LDLRAD4: variants seen among roughly 807,000 people sequenced by gnomAD.
The protein encoded by LDLRAD4 is low density lipoprotein receptor class A domain containing 4, also known as low-density lipoprotein receptor class A domain-containing protein 4.
LDLRAD4 carries 5 observed loss-of-function variants against 17.0 expected under a neutral mutation model. The ratio of observed to expected loss-of-function variants is 0.29; its 90% CI spans 0.15 to 0.62. The LOEUF (loss-of-function observed/expected upper bound fraction) is 0.62. Ranked by LOEUF, LDLRAD4 falls within the 20% of genes least tolerant of loss-of-function variation. The pLI is 0.84. For missense variants in LDLRAD4, 340 were observed against 424.7 expected, an observed-to-expected ratio of 0.80 and a Z score of 1.75; for synonymous variants, 168 against 171.8, an observed-to-expected ratio of 0.98 and a Z score of 0.17.
intron 3 of LDLRAD4, chr18:13,500,629 G>A (rs2093597945): frequency 6.6e-6 from 1 of 152,176 alleles, no homozygotes; most frequent in Non-Finnish European, 1.5e-5. Flanking sequence ...CCAGAAAAAC[G>A]TCCTGTCTTT....
At chr18:13,530,533 G>A (rs532472257) in intron 3 of LDLRAD4, among the ~76,000 whole-genome samples, 1 of 152,326 alleles carries the variant, frequency 6.6e-6, no homozygotes, top group South Asian at 2.1e-4. Flanking sequence ...ATGATTTCCA[G>A]CAATATCTGC....
At chr18:13,644,413 A>G (rs1188231041) in intron 5 of LDLRAD4, among the ~76,000 whole-genome samples, 3 of 150,974 alleles carry the variant, frequency 2.0e-5, no homozygotes, top group African/African-American at 7.3e-5. Context: ...AAAAAAAAAA[A>G]AAAAAAAAGC....
chr18:13,361,697 C>G (rs766291835), intron 1 of LDLRAD4, among the ~76,000 whole-genome samples: 1 of 152,058 alleles, frequency 6.6e-6, no homozygotes, highest in African/African-American at 2.4e-5. Context: ...GAGGTGAGGC[C>G]GTGCTGACAG....
chr18:13,232,481 C>CCCCACG (rs2042127663), intron 1 of LDLRAD4, among the ~76,000 whole-genome samples: 2 of 150,626 alleles, frequency 1.3e-5, no homozygotes, highest in African/African-American at 5.0e-5. Flanking sequence ...TGGCCTTGTC[C>CCCCACG]GGGGGCTGCT....
chr18:13,310,339 A>G (rs1403295781), intron 1 of LDLRAD4, among the ~76,000 whole-genome samples: 1 of 151,490 alleles, frequency 6.6e-6, no homozygotes, highest in Non-Finnish European at 1.5e-5. Flanking sequence ...TGGGTGACAG[A>G]GTGAGACTCT....
At chr18:13,587,317 C>T (rs900229555) in intron 3 of LDLRAD4, among the ~76,000 whole-genome samples, 2 of 152,232 alleles carry the variant, frequency 1.3e-5, no homozygotes, top group Non-Finnish European at 2.9e-5. Flanking sequence ...CCATGTTAGA[C>T]AGTCTCACTC....
At chr18:13,461,379 C>T (rs1208595391) in intron 3 of LDLRAD4, 3 of 152,222 alleles carry the variant, frequency 2.0e-5, no homozygotes, top group Non-Finnish European at 2.9e-5. Flanking sequence ...ACGTACCTGA[C>T]TGAGGAAAAT....
At chr18:13,637,915 C>T (rs1034629401) in intron 4 of LDLRAD4, among the ~76,000 whole-genome samples, 2 of 151,408 alleles carry the variant, frequency 1.3e-5, no homozygotes, top group Non-Finnish European at 2.9e-5. Context: ...GGAAATTTAT[C>T]CCCCTTTAAC....
At chr18:13,560,736 A>T (rs2094531666) in intron 3 of LDLRAD4, among the ~76,000 whole-genome samples, 1 of 152,214 alleles carries the variant, frequency 6.6e-6, no homozygotes. Context: ...CAGCTTTTTA[A>T]GTTGAGAATA....
intron 1 of LDLRAD4, among the ~76,000 whole-genome samples, chr18:13,325,662 G>C (rs530170086): frequency 6.6e-6 from 1 of 152,174 alleles, no homozygotes; most frequent in African/African-American, 2.4e-5. Flanking sequence ...ACTCAGCTTC[G>C]CTGCGCACCC....
chr18:13,421,533 TC>T (rs1241938973), intron 2 of LDLRAD4, among the ~76,000 whole-genome samples: 2 of 151,284 alleles, frequency 1.3e-5, no homozygotes, highest in Admixed American at 6.6e-5. Flanking sequence ...TCCAGTCCCA[TC>T]CCTGCCCTGC....
Position 13,619,825 on chromosome 18 carries a change from G to A in LDLRAD4, c.182-1292G>A, listed in dbSNP as rs138534517. Among the ~76,000 whole-genome samples the A allele has an allele frequency of 9.9e-5, 15 of 152,190 alleles. No individual in the cohort carries two copies. In the East Asian group the frequency reaches 2.3e-3, roughly 24 times the overall value. On this transcript the variant is annotated intron_variant, in intron 3 of 5. Transcript: ENST00000359446. ...ACCAGCCTGGCCTCTCCCTGCCTGC[G>A]GGGGCAGGGGGCCCTTGGCAGGTCC... is the stretch of plus-strand genomic sequence containing the variant.
At chr18:13,254,599 G>A (rs1008100667) in intron 1 of LDLRAD4, among the ~76,000 whole-genome samples, 1 of 152,288 alleles carries the variant, frequency 6.6e-6, no homozygotes, top group African/African-American at 2.4e-5. Flanking sequence ...GGAATTGGCC[G>A]AGTCCTTACT....
At chr18:13,415,609 G>A (rs918876230) in intron 2 of LDLRAD4, among the ~76,000 whole-genome samples, 1 of 152,208 alleles carries the variant, frequency 6.6e-6, no homozygotes, top group African/African-American at 2.4e-5. Context: ...TGTACTGAGG[G>A]GAGCCCCCAG....
intron 3 of LDLRAD4, among the ~76,000 whole-genome samples, chr18:13,438,995 G>A (rs1412364977): frequency 6.6e-6 from 1 of 152,204 alleles, no homozygotes; most frequent in Non-Finnish European, 1.5e-5. Flanking sequence ...AAAGCCCGCT[G>A]AACTTCTCTT....
At chr18:13,294,362 G>A (rs932644056) in intron 1 of LDLRAD4, among the ~76,000 whole-genome samples, 2 of 152,216 alleles carry the variant, frequency 1.3e-5, no homozygotes, top group African/African-American at 4.8e-5. Flanking sequence ...CCAAGATAAC[G>A]GCCCCTTCTC....
chr18:13,576,421 CA>C (rs60116058), intron 3 of LDLRAD4, among the ~76,000 whole-genome samples: 42,749 of 90,452 alleles, frequency 0.47, 6,302 homozygotes, highest in South Asian at 0.58. Flanking sequence ...GACTCTGTCT[CA>C]AAAAAAAAAA....
rs527501457 is a variant in LDLRAD4 at position 13,236,684 on chromosome 18, G to A, written c.-467+17696G>A. ...TGGGTGCTGGCGTTGCCTGTGTGGG[G>A]CTCGGTCCGTGTTTCTCAGTCTGGA... On this transcript the variant is annotated intron_variant, in intron 1 of 5. Coordinates refer to the LDLRAD4 transcript ENST00000399848. Among the ~76,000 whole-genome samples the A allele has an allele frequency of 6.1e-5, 9 of 147,182 alleles. No homozygotes were observed. In the South Asian group the frequency reaches 2.0e-3, roughly 32 times the overall value.
intron 1 of LDLRAD4, among the ~76,000 whole-genome samples, chr18:13,301,579 G>A (rs1599243172): frequency 6.6e-6 from 1 of 152,274 alleles, no homozygotes; most frequent in African/African-American, 2.4e-5. Flanking sequence ...GTGCAGAGAC[G>A]GAAGCTCACC....
Sources: gnomAD v4.1 joint callset for allele counts (sites outside exome capture counted in the v4.1 genomes callset) on GRCh38, gnomAD v4.1.1 for gene constraint, MANE v1.5 for transcripts, NCBI Gene and HGNC (gene_info 2026-07-23, HGNC 2026-07-21) for gene names.